Variants in MBTPS1 observed in about 807,000 individuals in gnomAD.
The protein encoded by MBTPS1 is membrane bound transcription factor peptidase, site 1.
MBTPS1 carries 94 observed loss-of-function variants against 127.8 expected under a neutral mutation model. The ratio of observed to expected loss-of-function variants is 0.74; its 90% CI spans 0.62 to 0.87. The LOEUF (loss-of-function observed/expected upper bound fraction) is 0.87. Among genes scored for constraint, MBTPS1 ranks in the 40% least tolerant of loss-of-function variants. MBTPS1 has a pLI of 0.00. For missense variants in MBTPS1, 1,636 were observed against 1,353.2 expected, an observed-to-expected ratio of 1.21 and a Z score of -3.28; for synonymous variants, 632 against 509.4, an observed-to-expected ratio of 1.24 and a Z score of -3.24.
chr16:84,115,946 A>G (rs1227874250), intron 1 of MBTPS1, among the ~76,000 whole-genome samples: 2 of 292 alleles, frequency 6.8e-3, no homozygotes, highest in Non-Finnish European at 0.011. Flanking sequence ...TCCAGATTGA[A>G]AAAAAAAAAA....
chr16:84,115,743 C>G (rs1356707329), intron 1 of MBTPS1, among the ~76,000 whole-genome samples: 3 of 152,108 alleles, frequency 2.0e-5, no homozygotes, highest in African/African-American at 4.8e-5. Flanking sequence ...TGGGCATTGA[C>G]TACAACTGGG....
rs1191841254 is a variant in MBTPS1, at chr16:84,054,369, G to A, written c.*80C>T. ...TGGAAACTGGATCCCTTTTAAACCAGCCGCCACCACAGCTCGGCTCACCCA... is the reference window on the plus strand; with the variant it reads ...TGGAAACTGGATCCCTTTTAAACCAACCGCCACCACAGCTCGGCTCACCCA... On this transcript the variant is annotated 3_prime_UTR_variant, in exon 23 of 23. Coordinates refer to ENST00000343411, the MANE Select transcript of MBTPS1 (RefSeq NM_003791.4). The A allele has an allele frequency of 1.7e-5, 23 of 1,328,750 alleles. No homozygotes were observed. The highest frequency in any genetic ancestry group is 2.2e-5 in the Non-Finnish European group (22 of 990,514). 82.3% of individuals were successfully genotyped at this position (1,328,750 alleles called of 1,614,324 possible).
intron 10 of MBTPS1, among the ~76,000 whole-genome samples, chr16:84,083,958 T>G (rs1225968686): frequency 6.6e-6 from 1 of 152,132 alleles, no homozygotes; most frequent in African/African-American, 2.4e-5. Context: ...TGGAGAACTT[T>G]ATTGATTGAT....
In MBTPS1 at chr16:84,101,899, T is replaced by C; in HGVS notation, c.-116A>G. 1.1e-6 allele frequency: 1 copy of C among 934,758 alleles called. No homozygotes were observed. Among genetic ancestry groups the C allele is most frequent in the Non-Finnish European group, 1.7e-6 (1 of 602,590 alleles). The allele number at this position is 934,758 out of a possible 1,614,324, so 57.9% of individuals were successfully genotyped here. A position where few individuals can be genotyped will look rare whatever the true frequency, so the allele number is the denominator to read the frequency against. On this transcript the variant is annotated 5_prime_UTR_variant, in exon 2 of 23. It removes the in-frame stop codon of an upstream open reading frame in the 5' UTR. Transcript: ENST00000343411. The stretch of plus-strand genomic sequence containing the variant: ...GCTGCAACATTACTAATCAGCCATC[T>C]TACAGTCTTGCCCAACATAAATAAA...
intron 21 of MBTPS1, 136 bp from the exon 22 acceptor site, chr16:84,056,271 G>GCGA: frequency 3.0e-6 from 2 of 675,034 alleles, no homozygotes; most frequent in South Asian, 2.2e-5. Context: ...TGCGTCCACG[G>GCGA]CCACCTAAAT....
chr16:84,058,037 G>T (rs988241061), intron 21 of MBTPS1: 1 of 152,070 alleles, frequency 6.6e-6, no homozygotes, highest in Non-Finnish European at 1.5e-5. Context: ...GCTAATAGAA[G>T]GTTATAAATA....
intron 4 of MBTPS1, among the ~76,000 whole-genome samples, chr16:84,094,226 C>T (rs1023639573): frequency 1.6e-4 from 24 of 152,116 alleles, no homozygotes; most frequent in Admixed American, 3.3e-4. Flanking sequence ...GGAGGCCCTG[C>T]AAAACACTCA....
At chr16:84,086,189 T>C (rs1222632793) in intron 9 of MBTPS1, 1 of 152,260 alleles carries the variant, frequency 6.6e-6, no homozygotes, top group Non-Finnish European at 1.5e-5. Context: ...TGGAAGGACA[T>C]TTCTCAAATG....
chr16:84,077,941 A>G (rs1269979831), intron 11 of MBTPS1, among the ~76,000 whole-genome samples: 1 of 152,228 alleles, frequency 6.6e-6, no homozygotes, highest in Non-Finnish European at 1.5e-5. Flanking sequence ...GCTTAAAAAA[A>G]AAAAGCTCTT....
At chr16:84,079,911 G>A (rs1449604852) in intron 11 of MBTPS1, among the ~76,000 whole-genome samples, 5 of 152,210 alleles carry the variant, frequency 3.3e-5, no homozygotes, top group African/African-American at 9.7e-5. Flanking sequence ...ACCACTGTGA[G>A]CACAGCAGCT....
intron 1 of MBTPS1, among the ~76,000 whole-genome samples, chr16:84,106,480 G>C (rs1282450634): frequency 6.6e-6 from 1 of 152,206 alleles, no homozygotes; most frequent in Non-Finnish European, 1.5e-5. Context: ...CAGGCAGTGG[G>C]AAAGCAAGTG....
intron 20 of MBTPS1, 37 bp from the exon 21 acceptor site, chr16:84,059,465 A>G: frequency 6.3e-7 from 1 of 1,595,490 alleles, no homozygotes; most frequent in South Asian, 1.1e-5. Context: ...AAGGAAAATC[A>G]TCTCTATTAC....
chr16:84,085,639 G>T (rs766714039), intron 9 of MBTPS1, among the ~76,000 whole-genome samples: 1 of 134,618 alleles, frequency 7.4e-6, no homozygotes, highest in Non-Finnish European at 1.6e-5. Context: ...AAGCTTAAAC[G>T]ATAATGTAGA....
chr16:84,069,809 G>A (rs910884372), intron 14 of MBTPS1, 57 bp downstream of exon 14: 3 of 1,476,228 alleles, frequency 2.0e-6, no homozygotes, highest in East Asian at 2.3e-5. Flanking sequence ...GGGAACAGTG[G>A]TGCCTCCTCC....
intron 1 of MBTPS1, among the ~76,000 whole-genome samples, chr16:84,108,945 T>C (rs529057204): frequency 6.6e-6 from 1 of 152,334 alleles, no homozygotes; most frequent in South Asian, 2.1e-4. Context: ...CTGGTCTGAA[T>C]TTAAGGTTTT....
intron 1 of MBTPS1, among the ~76,000 whole-genome samples, chr16:84,112,974 CAAAA>C (rs71382895): frequency 3.5e-5 from 2 of 56,876 alleles, no homozygotes. Flanking sequence ...GATGCCATCT[CAAAA>C]AAAAAAAAAA....
At chr16:84,097,603 C>G (rs1255323448) in intron 3 of MBTPS1, among the ~76,000 whole-genome samples, 1 of 152,198 alleles carries the variant, frequency 6.6e-6, no homozygotes, top group Non-Finnish European at 1.5e-5. Flanking sequence ...CTAAAGCATT[C>G]TAGAGCTCTT....
chr16:84,065,809 G>A (rs372006281), intron 17 of MBTPS1, 42 bp from the exon 18 acceptor site: 26 of 1,202,976 alleles, frequency 2.2e-5, no homozygotes, highest in African/African-American at 6.3e-5. Flanking sequence ...CAGGAACGCC[G>A]AACACTTTAA....
intron 17 of MBTPS1, among the ~76,000 whole-genome samples, chr16:84,066,184 T>C (rs1157113765): frequency 6.6e-6 from 1 of 152,158 alleles, no homozygotes; most frequent in Non-Finnish European, 1.5e-5. Context: ...ACAAAGTTAT[T>C]TCATGAATAG....
Sources: allele counts gnomAD v4.1 joint callset (sites outside exome capture counted in the v4.1 genomes callset), GRCh38; gene constraint gnomAD v4.1.1; transcripts MANE v1.5; gene names NCBI Gene and HGNC (gene_info 2026-07-23, HGNC 2026-07-21).